LRMDA: variants seen among roughly 807,000 people sequenced by gnomAD.
LRMDA encodes leucine-rich melanocyte differentiation-associated protein.
In LRMDA, 18 loss-of-function variants were observed where a neutral mutation model predicts 29.8. That is an observed-to-expected ratio of 0.60 (90% CI 0.42 to 0.90). LRMDA has a LOEUF of 0.90. Ranked by LOEUF, LRMDA falls within the 40% of genes least tolerant of loss-of-function variation. The pLI is 0.00. For synonymous variants in LRMDA, 125 were observed against 109.4 expected (o/e 1.14, Z -0.89); for missense variants, 273 against 273.9 (o/e 1.00, Z 0.02).
chr10:76,007,367 A>G (rs374783530), intron 2 of LRMDA, among the ~76,000 whole-genome samples: 2 of 152,036 alleles, frequency 1.3e-5, no homozygotes, highest in East Asian at 3.9e-4. Context: ...CAGTCCAGGC[A>G]TGTCAACTTC....
intron 5 of LRMDA, among the ~76,000 whole-genome samples, chr10:76,214,073 T>C (rs1851682820): frequency 6.6e-6 from 1 of 152,122 alleles, no homozygotes; most frequent in East Asian, 1.9e-4. Context: ...GTGTCTCTGG[T>C]TGAATTTCAA....
chr10:76,202,935 G>A (rs1009584512), intron 5 of LRMDA, among the ~76,000 whole-genome samples: 1 of 152,134 alleles, frequency 6.6e-6, no homozygotes, highest in Non-Finnish European at 1.5e-5. Context: ...AAATGGCAAG[G>A]CATTTGTGGC....
intron 5 of LRMDA, among the ~76,000 whole-genome samples, chr10:76,181,190 C>G (rs1475474002): frequency 6.6e-6 from 1 of 152,206 alleles, no homozygotes; most frequent in East Asian, 1.9e-4. Context: ...GACATTTCTT[C>G]TATATACATT....
intron 2 of LRMDA, among the ~76,000 whole-genome samples, chr10:75,716,626 C>G (rs1259223402): frequency 6.6e-6 from 1 of 152,108 alleles, no homozygotes; most frequent in Non-Finnish European, 1.5e-5. Flanking sequence ...AGTGGGTGGC[C>G]TCAGCTTCCA....
At chr10:75,580,336 A>G (rs966387636) in intron 2 of LRMDA, among the ~76,000 whole-genome samples, 3 of 152,320 alleles carry the variant, frequency 2.0e-5, no homozygotes, top group South Asian at 2.1e-4. Flanking sequence ...TACAAAGAGA[A>G]TAAAATACCA....
At chr10:75,851,254 G>A (rs1046703093) in intron 2 of LRMDA, among the ~76,000 whole-genome samples, 1 of 152,138 alleles carries the variant, frequency 6.6e-6, no homozygotes, top group Non-Finnish European at 1.5e-5. Context: ...TTAATATTAC[G>A]ATAATATAGA....
chr10:75,921,264 G>T (rs1387791597), intron 2 of LRMDA, among the ~76,000 whole-genome samples: 1 of 152,178 alleles, frequency 6.6e-6, no homozygotes. Flanking sequence ...ATTTAATACT[G>T]GGATGTAAAG....
intron 6 of LRMDA, among the ~76,000 whole-genome samples, chr10:76,363,517 C>T (rs1449750382): frequency 6.6e-6 from 1 of 152,000 alleles, no homozygotes; most frequent in Non-Finnish European, 1.5e-5. Context: ...GTTCCTTAAA[C>T]TTAAGACAGC....
chr10:75,555,689 G>T (rs1840204422), intron 2 of LRMDA, among the ~76,000 whole-genome samples: 1 of 152,158 alleles, frequency 6.6e-6, no homozygotes, highest in Admixed American at 6.6e-5. Flanking sequence ...TCATTCAAGA[G>T]ATCCAGGATG....
intron 2 of LRMDA, among the ~76,000 whole-genome samples, chr10:75,638,028 C>T (rs567819948): frequency 5.2e-4 from 79 of 152,290 alleles, no homozygotes; most frequent in African/African-American, 1.9e-3. Context: ...ATGGGGTGGT[C>T]GTTTCCAAAT....
intron 6 of LRMDA, among the ~76,000 whole-genome samples, chr10:76,461,529 C>T (rs1290407756): frequency 2.0e-5 from 3 of 152,142 alleles, no homozygotes; most frequent in African/African-American, 7.2e-5. Context: ...AATGTTCTTC[C>T]CCGTAGGTAG....
chr10:75,552,677 TTCTC>T (rs565195503), intron 2 of LRMDA: 1 of 341,730 alleles, frequency 2.9e-6, no homozygotes, highest in Non-Finnish European at 5.9e-6. Context: ...CTGCTTCCTT[TTCTC>T]TCTCTCCTAC....
At chr10:75,471,442 C>T (rs1253488998) in intron 2 of LRMDA, among the ~76,000 whole-genome samples, 1 of 152,056 alleles carries the variant, frequency 6.6e-6, no homozygotes, top group African/African-American at 2.4e-5. Context: ...GGGATTGTTT[C>T]TGCGATCTCC....
intron 5 of LRMDA, among the ~76,000 whole-genome samples, chr10:76,124,652 C>G (rs1337646178): frequency 2.0e-5 from 3 of 152,242 alleles, no homozygotes; most frequent in Non-Finnish European, 4.4e-5. Context: ...TGTCCTGAAT[C>G]CAGCCCCTTG....
At chr10:76,296,298 C>G (rs531953960) in intron 5 of LRMDA, among the ~76,000 whole-genome samples, 3 of 152,182 alleles carry the variant, frequency 2.0e-5, no homozygotes, top group Non-Finnish European at 4.4e-5. Flanking sequence ...CAAGGTTGCA[C>G]GTTTAGAATA....
In LRMDA at chr10:75,803,490, G is replaced by T. The variant is rs554357192; in HGVS notation, c.132-232518G>T. On this transcript the variant is annotated intron_variant, in intron 2 of 6. Coordinates refer to ENST00000611255, the MANE Select transcript of LRMDA (RefSeq NM_001305581.2). ...ATGGCACTGTGGGTCAGAGTAGCAT[G>T]GATCCAGACCGCCTGCATGTACATT... is the stretch of plus-strand genomic sequence containing the variant. Among the ~76,000 whole-genome samples the T allele has an allele frequency of 9.8e-5, 15 of 152,312 alleles. No homozygotes were observed. In the South Asian group the frequency reaches 3.1e-3, roughly 32 times the overall value.
intron 6 of LRMDA, among the ~76,000 whole-genome samples, chr10:76,493,722 T>A (rs550431910): frequency 1.1e-3 from 167 of 152,128 alleles, no homozygotes; most frequent in African/African-American, 3.7e-3. Flanking sequence ...CTATTTTAGG[T>A]CCCTTGCATT....
chr10:75,502,427 T>A (rs991889544), intron 2 of LRMDA, among the ~76,000 whole-genome samples: 1 of 70,964 alleles, frequency 1.4e-5, no homozygotes, highest in Non-Finnish European at 3.4e-5. Context: ...GCCTTTTAGA[T>A]TTTTTTTTTT....
At chr10:76,204,111 A>C (rs1333360136) in intron 5 of LRMDA, among the ~76,000 whole-genome samples, 25 of 79,188 alleles carry the variant, frequency 3.2e-4, no homozygotes, top group East Asian at 7.9e-4. Flanking sequence ...TGTATCCATC[A>C]ACCCATCTCT....
Sources: gnomAD v4.1 joint callset for allele counts (sites outside exome capture counted in the v4.1 genomes callset) on GRCh38, gnomAD v4.1.1 for gene constraint, MANE v1.5 for transcripts, NCBI Gene and HGNC (gene_info 2026-07-23, HGNC 2026-07-21) for gene names.